The following ITGA9 variants were observed in gnomAD, a reference collection of about 807,000 sequenced individuals.
The protein encoded by ITGA9 is integrin subunit alpha 9.
In ITGA9, 56 loss-of-function variants were observed where a neutral mutation model predicts 127.8. That is an observed-to-expected ratio of 0.44 (90% CI 0.35 to 0.55). The LOEUF (loss-of-function observed/expected upper bound fraction) is 0.55. ITGA9 is among the 20% of genes least tolerant of loss of function. The probability of loss-of-function intolerance (pLI) is 0.00; values close to 1 mark genes in which losing one functional copy is unlikely to be tolerated. For missense variants in ITGA9, 1,196 were observed against 1,347.1 expected, an observed-to-expected ratio of 0.89 and a Z score of 1.76; for synonymous variants, 508 against 514.5, an observed-to-expected ratio of 0.99 and a Z score of 0.17.
intron 12 of ITGA9, among the ~76,000 whole-genome samples, chr3:37,524,860 G>T (rs1290041210): frequency 1.3e-5 from 2 of 152,214 alleles, no homozygotes; most frequent in African/African-American, 4.8e-5. Context: ...TTCTGATCTT[G>T]TGTTTTTCAT....
At chr3:37,770,070 C>T (rs921264712) in intron 23 of ITGA9, among the ~76,000 whole-genome samples, 1 of 152,138 alleles carries the variant, frequency 6.6e-6, no homozygotes. Context: ...TTAAGGAGAG[C>T]AGAAGTTAAA....
At chr3:37,575,490 T>C (rs1226723453) in intron 15 of ITGA9, among the ~76,000 whole-genome samples, 1 of 152,156 alleles carries the variant, frequency 6.6e-6, no homozygotes, top group Non-Finnish European at 1.5e-5. Flanking sequence ...CATTCTAACC[T>C]CTTTACCCAA....
chr3:37,517,735 G>C (rs1034295501), intron 10 of ITGA9, 126 bp downstream of exon 10: 1 of 743,524 alleles, frequency 1.3e-6, no homozygotes, highest in African/African-American at 1.7e-5. Context: ...GATCCCCTTC[G>C]AAGGCCCATC....
At chr3:37,588,895 G>T (rs915316224) in intron 15 of ITGA9, among the ~76,000 whole-genome samples, 2 of 152,164 alleles carry the variant, frequency 1.3e-5, no homozygotes, top group Admixed American at 6.5e-5. Context: ...CATCATCCTC[G>T]TGGCATTCTG....
intron 1 of ITGA9, among the ~76,000 whole-genome samples, chr3:37,470,347 G>T (rs1200128770): frequency 6.6e-6 from 1 of 152,102 alleles, no homozygotes; most frequent in African/African-American, 2.4e-5. Flanking sequence ...GTGTATGAAG[G>T]TTCTAGTTAC....
intron 4 of ITGA9, among the ~76,000 whole-genome samples, chr3:37,483,423 C>CT (rs768977842): frequency 6.6e-6 from 1 of 152,032 alleles, no homozygotes; most frequent in Non-Finnish European, 1.5e-5. Context: ...ATGTTTGTTT[C>CT]TTTTTTTTCT....
chr3:37,710,209 G>C (rs1229284869), intron 18 of ITGA9, among the ~76,000 whole-genome samples: 1 of 152,118 alleles, frequency 6.6e-6, no homozygotes, highest in Non-Finnish European at 1.5e-5. Context: ...CATCTTACAG[G>C]GGTGACAGCT....
chr3:37,506,922 G>T (rs1421645930), intron 7 of ITGA9, among the ~76,000 whole-genome samples: 1 of 152,188 alleles, frequency 6.6e-6, no homozygotes. Flanking sequence ...CTGGATTCTG[G>T]ATTAGCCCAG....
At position 37,744,035 on chromosome 3, in the gene ITGA9, G is replaced by A. The variant is rs1696470437; in HGVS notation, c.2433+1G>A. ...TCAGCCCATCAATATCACCCTTCAGGTACCCACTCCTGGAGACCTCCTCTG... is the reference window on the plus strand; with the variant it reads ...TCAGCCCATCAATATCACCCTTCAGATACCCACTCCTGGAGACCTCCTCTG... On this transcript the variant is annotated splice_donor_variant, in intron 22 of 27. Transcript: ENST00000264741. LOFTEE classifies it high-confidence loss of function. The A allele has an allele frequency of 6.2e-7, 1 of 1,603,358 alleles. No individual in the cohort carries two copies. The highest frequency in any genetic ancestry group is 8.5e-7 in the Non-Finnish European group (1 of 1,170,240).
At chr3:37,760,316 G>C (rs1696709313) in intron 23 of ITGA9, among the ~76,000 whole-genome samples, 1 of 151,556 alleles carries the variant, frequency 6.6e-6, no homozygotes, top group South Asian at 2.1e-4. Context: ...ATTCATTAGA[G>C]GGGCTCAATA....
rs1700789911 is a variant in ITGA9 at position 37,687,169 on chromosome 3, CTG to C, written c.2067+3156_2067+3157del. Among the ~76,000 whole-genome samples the C allele has an allele frequency of 4.6e-5, 7 of 152,104 alleles. No individual in the cohort carries two copies. The South Asian group carries it at 1.5e-3, about 32-fold the overall frequency. ...GAAGATCAGACAGTAGAACAATAGACTGTATGAAAATGGAATGGACTGGGAGG... is the reference window on the plus strand; with the variant it reads ...GAAGATCAGACAGTAGAACAATAGACTATGAAAATGGAATGGACTGGGAGG... On this transcript the variant is annotated intron_variant, in intron 18 of 27. Coordinates refer to ENST00000264741, the MANE Select transcript of ITGA9 (RefSeq NM_002207.3).
chr3:37,613,913 T>G lies in ITGA9; in HGVS notation c.1690-15274T>G, dbSNP rs940902196. Among the ~76,000 whole-genome samples, 484 of 152,330 alleles carry G rather than the reference T, an allele frequency of 3.2e-3. 4 individuals are homozygous for G. The highest frequency in any genetic ancestry group is 5.6e-3 in the Non-Finnish European group (381 of 68,004). On this transcript the variant is annotated intron_variant, in intron 15 of 27. Transcript: ENST00000264741. The stretch of plus-strand genomic sequence containing the variant: ...CAAAAATTTTCTCCCATTCTGTAGG[T>G]TGCCTGTTCACTCTGATGGTAGTTT...
chr3:37,738,009 A>G (rs972226796), intron 20 of ITGA9, among the ~76,000 whole-genome samples: 1 of 152,228 alleles, frequency 6.6e-6, no homozygotes, highest in African/African-American at 2.4e-5. Context: ...TAGTTATCAC[A>G]TTCAGGAAAT....
At chr3:37,748,944 AAAAAAAG>A (rs1162158800) in intron 22 of ITGA9, 13 of 664,990 alleles carry the variant, frequency 2.0e-5, no homozygotes, top group African/African-American at 7.4e-5. Flanking sequence ...CTGTTTAAAA[AAAAAAAG>A]AAAAAAGAAA....
At chr3:37,567,467 C>T (rs1412365016) in intron 15 of ITGA9, among the ~76,000 whole-genome samples, 1 of 136,250 alleles carries the variant, frequency 7.3e-6, no homozygotes, top group African/African-American at 2.5e-5. Flanking sequence ...ATTCCAAAAC[C>T]AATCATGCCT....
chr3:37,688,799 A>AATAG (rs1372530061), intron 18 of ITGA9, among the ~76,000 whole-genome samples: 3 of 152,118 alleles, frequency 2.0e-5, no homozygotes, highest in East Asian at 1.9e-4. Context: ...CTGTCCACAG[A>AATAG]ATAGATGGAT....
intron 25 of ITGA9, among the ~76,000 whole-genome samples, chr3:37,782,735 C>A (rs908940917): frequency 6.6e-6 from 1 of 152,208 alleles, no homozygotes; most frequent in African/African-American, 2.4e-5. Flanking sequence ...GGCCTGCAGT[C>A]GTGTTTATTT....
chr3:37,476,316 G>A (rs965436961), intron 3 of ITGA9, among the ~76,000 whole-genome samples: 4 of 151,944 alleles, frequency 2.6e-5, no homozygotes, highest in Non-Finnish European at 5.9e-5. Flanking sequence ...CAGTGCACAA[G>A]GGTTTCAATG....
At chr3:37,602,277 CAAAAA>C (rs777529971) in intron 15 of ITGA9, among the ~76,000 whole-genome samples, 4 of 150,440 alleles carry the variant, frequency 2.7e-5, no homozygotes, top group East Asian at 1.9e-4. Flanking sequence ...CAAAACAAAA[CAAAAA>C]AAAAATGTTT....
Sources: allele counts gnomAD v4.1 joint callset (sites outside exome capture counted in the v4.1 genomes callset), GRCh38; gene constraint gnomAD v4.1.1; transcripts MANE v1.5; gene names NCBI Gene and HGNC (gene_info 2026-07-23, HGNC 2026-07-21).